The following SDK1 variants were observed in gnomAD, a reference collection of about 807,000 sequenced individuals.
SDK1 encodes protein sidekick-1.
Under a neutral mutation model 245.5 loss-of-function variants are expected in SDK1, and 157 were observed. That is an observed-to-expected ratio of 0.64 (90% CI 0.56 to 0.73). The LOEUF (loss-of-function observed/expected upper bound fraction) is 0.73, where lower values mean the gene tolerates loss of function less well. Among genes scored for constraint, SDK1 ranks in the 30% least tolerant of loss-of-function variants. SDK1 has a pLI of 0.00. For missense variants in SDK1, 3,583 were observed against 3,002.3 expected, an observed-to-expected ratio of 1.19 and a Z score of -4.52; for synonymous variants, 1,647 against 1,278.5, an observed-to-expected ratio of 1.29 and a Z score of -6.15.
chr7:3,494,414 G>C (rs1781957999), intron 1 of SDK1, among the ~76,000 whole-genome samples: 1 of 152,036 alleles, frequency 6.6e-6, no homozygotes, highest in South Asian at 2.1e-4. Context: ...AACAGCGCTT[G>C]AATACAATGA....
At chr7:3,768,602 T>C (rs1421690304) in intron 4 of SDK1, among the ~76,000 whole-genome samples, 1 of 152,194 alleles carries the variant, frequency 6.6e-6, no homozygotes, top group Non-Finnish European at 1.5e-5. Context: ...GAAGCTCCAG[T>C]GCCACCAGCT....
Position 3,748,042 on chromosome 7 carries a change from G to GT in SDK1, c.714-73406dup, listed in dbSNP as rs777914239. 7.1e-4 allele frequency among the ~76,000 whole-genome samples: 108 copies of GT among 152,062 alleles called. 1 individual carries two copies. Among genetic ancestry groups the GT allele is most frequent in the Admixed American group, 1.2e-3 (18 of 15,288 alleles). ...ATATTTGATTATACTGTATATCACA[G>GT]TTACTATATGTGTTATAGTATGTAT... On this transcript the variant is annotated intron_variant, in intron 4 of 44. Transcript: ENST00000404826.
chr7:3,843,863 A>G (rs1020517600), intron 5 of SDK1, among the ~76,000 whole-genome samples: 1 of 152,128 alleles, frequency 6.6e-6, no homozygotes, highest in Non-Finnish European at 1.5e-5. Flanking sequence ...CTTATAAAAT[A>G]GATATATGAA....
At chr7:3,769,778 G>A (rs906261003) in intron 4 of SDK1, among the ~76,000 whole-genome samples, 35 of 151,946 alleles carry the variant, frequency 2.3e-4, no homozygotes, top group Non-Finnish European at 4.4e-5. Flanking sequence ...CTTACTTTCT[G>A]CTGTTGGTGA....
At chr7:3,692,073 T>A (rs747871373) in intron 4 of SDK1, among the ~76,000 whole-genome samples, 11 of 152,138 alleles carry the variant, frequency 7.2e-5, no homozygotes, top group South Asian at 4.1e-4. Flanking sequence ...CGGTTATGCT[T>A]CCTACTCTCA....
chr7:3,373,801 A>G (rs925469357), intron 1 of SDK1, among the ~76,000 whole-genome samples: 1 of 152,192 alleles, frequency 6.6e-6, no homozygotes, highest in Non-Finnish European at 1.5e-5. Context: ...TCACAAATTC[A>G]GTGTACAAAC....
rs117251872 is a variant in SDK1 at position 3,385,654 on chromosome 7, C to T, written c.298+83770C>T. On this transcript the variant is annotated intron_variant, in intron 1 of 44. Transcript: ENST00000404826. ...AGTCAACCTCTCACTTCCCTGCCCA[C>T]CAAAATACAGCCCCCGTATGTATCT... Among the ~76,000 whole-genome samples, 4 of 152,250 alleles carry T rather than the reference C, an allele frequency of 2.6e-5. No individual in the cohort carries two copies. In the East Asian group the frequency reaches 7.7e-4, roughly 29 times the overall value.
At chr7:3,861,911 G>T (rs530871978) in intron 5 of SDK1, among the ~76,000 whole-genome samples, 42 of 152,258 alleles carry the variant, frequency 2.8e-4, no homozygotes, top group African/African-American at 1.0e-3. Context: ...ACAATGCCAG[G>T]AGCTGTGGCA....
intron 1 of SDK1, among the ~76,000 whole-genome samples, chr7:3,617,718 C>A (rs975595688): frequency 6.6e-6 from 1 of 152,130 alleles, no homozygotes; most frequent in African/African-American, 2.4e-5. Context: ...TTTATTAGGA[C>A]CCCTCTCCCT....
At chr7:4,258,031 T>G (rs574398802) in intron 44 of SDK1, among the ~76,000 whole-genome samples, 2 of 152,272 alleles carry the variant, frequency 1.3e-5, no homozygotes, top group East Asian at 3.9e-4. Context: ...GCACTCCCAA[T>G]TTGTGTCTCC....
At chr7:3,620,739 C>T (rs950202803) in intron 2 of SDK1, among the ~76,000 whole-genome samples, 3 of 152,132 alleles carry the variant, frequency 2.0e-5, no homozygotes, top group Non-Finnish European at 4.4e-5. Flanking sequence ...AGAGCTGCCC[C>T]CATCAAAGGC....
chr7:3,902,877 A>G (rs985772737), intron 5 of SDK1, among the ~76,000 whole-genome samples: 4 of 152,168 alleles, frequency 2.6e-5, no homozygotes, highest in African/African-American at 7.2e-5. Flanking sequence ...TGCAAACCAT[A>G]TATCTGGTAA....
chr7:4,174,091 A>G lies in SDK1; in HGVS notation c.4801-131A>G, dbSNP rs561096554. ...GCCTGGGTTCGTCTTGATGAATCTG[A>G]CACCTGTCGCTGGAACCCACGACTT... On this transcript the variant is annotated intron_variant, in intron 32 of 44. Coordinates refer to ENST00000404826, the MANE Select transcript of SDK1 (RefSeq NM_152744.4). 4 of 923,396 alleles carry G rather than the reference A, an allele frequency of 4.3e-6. No homozygotes were observed. The East Asian group carries it at 9.7e-5, about 22-fold the overall frequency. 57.2% of individuals were successfully genotyped at this position (923,396 alleles called of 1,614,324 possible).
In SDK1 at chr7:3,418,145, G is replaced by GC. The variant is rs1292199670; in HGVS notation, c.298+116261_298+116262insC. 3.4e-4 allele frequency among the ~76,000 whole-genome samples: 41 copies of GC among 119,708 alleles called. 2 individuals are homozygous for GC. The highest frequency in any genetic ancestry group is 1.4e-3 in the African/African-American group (36 of 25,778). The allele number at this position is 119,708 out of a possible 152,430, so 78.5% of individuals were successfully genotyped here. On this transcript the variant is annotated intron_variant, in intron 1 of 44. Coordinates refer to ENST00000404826, the MANE Select transcript of SDK1 (RefSeq NM_152744.4). ...GTGAAACCCGATCTCTACTAAAAATGAAAAAAAAAAAAAAAAAAAAAAATA... is the reference window on the plus strand; with the variant it reads ...GTGAAACCCGATCTCTACTAAAAATGCAAAAAAAAAAAAAAAAAAAAAAATA...
intron 1 of SDK1, among the ~76,000 whole-genome samples, chr7:3,312,391 A>C (rs925608784): frequency 6.6e-6 from 1 of 152,198 alleles, no homozygotes; most frequent in African/African-American, 2.4e-5. Flanking sequence ...GAGAGTTAGC[A>C]GATGAATAGT....
At chr7:3,407,724 A>G (rs1220246565) in intron 1 of SDK1, among the ~76,000 whole-genome samples, 2 of 152,222 alleles carry the variant, frequency 1.3e-5, no homozygotes, top group African/African-American at 4.8e-5. Flanking sequence ...ACAATGGAAT[A>G]TTATGTGTCA....
chr7:4,028,484 G>A (rs1365338680), intron 17 of SDK1, among the ~76,000 whole-genome samples: 1 of 152,220 alleles, frequency 6.6e-6, no homozygotes, highest in South Asian at 2.1e-4. Context: ...TGGTGGTTGG[G>A]TGGGAGGCTG....
chr7:3,430,366 C>G (rs1779805917), intron 1 of SDK1, among the ~76,000 whole-genome samples: 1 of 152,024 alleles, frequency 6.6e-6, no homozygotes, highest in Non-Finnish European at 1.5e-5. Context: ...ATGCTAATTC[C>G]AAGACTACAA....
At chr7:3,925,862 C>T (rs1194364057) in intron 5 of SDK1, among the ~76,000 whole-genome samples, 5 of 152,330 alleles carry the variant, frequency 3.3e-5, no homozygotes, top group East Asian at 3.9e-4. Context: ...CCCCTTTTCC[C>T]ATTGATGAAA....
Sources: allele counts gnomAD v4.1 joint callset (sites outside exome capture counted in the v4.1 genomes callset), GRCh38; gene constraint gnomAD v4.1.1; transcripts MANE v1.5; gene names NCBI Gene and HGNC (gene_info 2026-07-23, HGNC 2026-07-21).